PTPRS: variants seen among roughly 807,000 people sequenced by gnomAD.
PTPRS encodes the protein receptor-type tyrosine-protein phosphatase S.
Under a neutral mutation model 215.3 loss-of-function variants are expected in PTPRS, and 63 were observed. That is an observed-to-expected ratio of 0.29 (90% CI 0.24 to 0.36). The LOEUF (loss-of-function observed/expected upper bound fraction) is 0.36. Ranked by LOEUF, PTPRS falls within the 10% of genes least tolerant of loss-of-function variation. PTPRS has a pLI of 1.00. For synonymous variants in PTPRS, 1,404 were observed against 1,191.4 expected (o/e 1.18, Z -3.68); for missense variants, 2,258 against 2,825.8 (o/e 0.80, Z 4.56).
chr19:5,236,476 T>C (rs10412599), intron 13 of PTPRS, among the ~76,000 whole-genome samples: 112 of 152,328 alleles, frequency 7.4e-4, no homozygotes, highest in African/African-American at 2.6e-3. Flanking sequence ...GATTTTAGAA[T>C]CTACGTCCCC....
At chr19:5,304,830 G>A (rs2049424777) in intron 1 of PTPRS, among the ~76,000 whole-genome samples, 1 of 151,980 alleles carries the variant, frequency 6.6e-6, no homozygotes, top group Non-Finnish European at 1.5e-5. Flanking sequence ...AGGTCTGGAG[G>A]CAAGAGAGGT....
Position 5,318,337 on chromosome 19 carries a change from C to CAA in PTPRS, c.-95+22325_-95+22326dup, listed in dbSNP as rs146792031. 4.3e-3 allele frequency among the ~76,000 whole-genome samples: 504 copies of CAA among 117,438 alleles called. 4 individuals carry two copies. Among genetic ancestry groups the CAA allele is most frequent in the African/African-American group, 0.014 (461 of 31,846 alleles). The allele number at this position is 117,438 out of a possible 152,430, so 77.0% of individuals were successfully genotyped here. ...CCTGGGCAACAAGGTGAGACTGTCT[C>CAA]AAAAAAAAAAAAAAGAAGAAGAAGA... On this transcript the variant is annotated intron_variant, in intron 1 of 37. Transcript: ENST00000262963.
At chr19:5,309,768 C>G (rs1159517910) in intron 1 of PTPRS, among the ~76,000 whole-genome samples, 1 of 152,142 alleles carries the variant, frequency 6.6e-6, no homozygotes, top group East Asian at 1.9e-4. Context: ...CAAAATCCTT[C>G]TAGAATACAA....
intron 1 of PTPRS, among the ~76,000 whole-genome samples, chr19:5,311,194 G>T (rs918171418): frequency 2.0e-5 from 3 of 152,040 alleles, no homozygotes; most frequent in Non-Finnish European, 4.4e-5. Context: ...ATTTTTAGTA[G>T]AGATGAGATT....
At position 5,245,862 on chromosome 19, in the gene PTPRS, G is replaced by T. The variant is rs1296092783; in HGVS notation, c.902C>A (p.Thr301Lys). The change falls in exon 10 of 38, where the codon ACA becomes AAA. Residue 301 changes from threonine to lysine, a missense_variant. Around this residue, in one of 6 missense-constraint regions of PTPRS, gnomAD observed 508 missense variants for 799.4 expected, o/e 0.64. Transcript: ENST00000262963. ...GTAGTTGGCCGAGTCCTTGACATCT[G>T]TGAGTTCCAGCACGTTCCGACCCAC... is the stretch of plus-strand genomic sequence containing the variant. The part of the protein sequence containing the change: ...MPVGRNVLEL[T>K]DVKDSANYTC... The T allele has an allele frequency of 1.2e-6, 2 of 1,613,838 alleles. No individual in the cohort carries two copies. Among genetic ancestry groups the T allele is most frequent in the East Asian group, 4.5e-5 (2 of 44,882 alleles).
Position 5,222,822 on chromosome 19 carries a change from G to A in PTPRS, c.2970C>T (p.Gly990=), listed in dbSNP as rs763913179. Residue 990 remains glycine, a synonymous_variant, in exon 18 of 38, where the codon GGC becomes GGT. Transcript: ENST00000262963. ...ETELPAAAEP[G]AENALTLQGL... ...CCTGCAGCGTGAGCGCGTTCTCCGC[G>A]CCCGGCTCAGCCGCTGCCGGCAGCT... 4.6e-5 allele frequency: 74 copies of A among 1,595,290 alleles called. No individual in the cohort carries two copies. The highest frequency in any genetic ancestry group is 5.9e-5 in the Non-Finnish European group (70 of 1,177,172).
chr19:5,220,463 T>G, intron 20 of PTPRS, 110 bp from the exon 21 acceptor site: 1 of 920,566 alleles, frequency 1.1e-6, no homozygotes, highest in Admixed American at 2.0e-5. Context: ...CTTCTGTTCA[T>G]ACAATGAGCC....
chr19:5,299,914 T>C (rs2049251846), intron 1 of PTPRS, among the ~76,000 whole-genome samples: 2 of 151,722 alleles, frequency 1.3e-5, no homozygotes, highest in Admixed American at 1.3e-4. Flanking sequence ...AAAGGACCAC[T>C]AGCCACATGT....
chr19:5,288,227 G>T (rs1293473492), intron 1 of PTPRS, among the ~76,000 whole-genome samples: 1 of 152,166 alleles, frequency 6.6e-6, no homozygotes, highest in African/African-American at 2.4e-5. Context: ...CGCAGACACA[G>T]GTGCCGGCAC....
At chr19:5,254,448 A>G (rs2045398445) in intron 9 of PTPRS, among the ~76,000 whole-genome samples, 1 of 151,654 alleles carries the variant, frequency 6.6e-6, no homozygotes, top group Admixed American at 6.6e-5. Context: ...GGGTTGGAGT[A>G]AGACTCTCAA....
Position 5,262,461 on chromosome 19 carries a change from A to C in PTPRS, c.577+503T>G, listed in dbSNP as rs76861648. Among the ~76,000 whole-genome samples the C allele has an allele frequency of 2.2e-3, 330 of 152,318 alleles. 2 individuals are homozygous for C. The highest frequency in any genetic ancestry group is 0.012 in the East Asian group (64 of 5,180). ...AATTAGTCCCACAACTGATTTCAGG[A>C]GATTCAGGCTGAATGCTGAGAAAAG... On this transcript the variant is annotated intron_variant, in intron 6 of 37. Transcript: ENST00000262963.
intron 30 of PTPRS, 121 bp downstream of exon 30, chr19:5,214,240 G>A: frequency 1.4e-6 from 2 of 1,392,334 alleles, no homozygotes; most frequent in South Asian, 1.3e-5. Flanking sequence ...GTCAGCCTGG[G>A]TAGACACGCT....
At chr19:5,222,657 C>A in intron 18 of PTPRS, 32 bp downstream of exon 18, 1 of 1,503,824 alleles carries the variant, frequency 6.6e-7, no homozygotes. Flanking sequence ...AGGCCCGGTC[C>A]GGCTCTGGTG....
intron 1 of PTPRS, among the ~76,000 whole-genome samples, chr19:5,316,908 G>A (rs1469406957): frequency 3.3e-5 from 5 of 152,206 alleles, no homozygotes; most frequent in Non-Finnish European, 5.9e-5. Context: ...CAGGCACCGG[G>A]GACCTGGCTT....
chr19:5,229,821 C>T (rs1047296722), intron 14 of PTPRS, 137 bp from the exon 15 acceptor site: 1 of 520,236 alleles, frequency 1.9e-6, no homozygotes, highest in Non-Finnish European at 2.9e-6. Context: ...TAGCGCTCAC[C>T]ACCGGGCGGG....
rs1415481564 is a variant in PTPRS, at chr19:5,212,410, G to A, written c.4696C>T (p.Pro1566Ser). The A allele has an allele frequency of 7.5e-6, 12 of 1,605,702 alleles. No individual in the cohort carries two copies. Among genetic ancestry groups the A allele is most frequent in the Non-Finnish European group, 1.0e-5 (12 of 1,176,154 alleles). The change falls in exon 31 of 38, where the codon CCC (proline) becomes TCC (serine). Residue 1566 changes from proline to serine, a missense_variant. Physicochemically the swap from Pro to Ser is moderately conservative, Grantham distance 74. This residue lies in a region of PTPRS where 927 missense variants were observed against 1,125.9 expected (regional missense o/e 0.82). Transcript: ENST00000262963. ...PDHGVPEYPT[P>S]FLAFLRRVKT... ...ACTCTCCGCAGGAAAGCCAGGAAGG[G>A]CGTTGGGTATTCGGGCACGCCATGG...
intron 1 of PTPRS, among the ~76,000 whole-genome samples, chr19:5,301,433 A>G (rs1156537713): frequency 6.6e-6 from 1 of 150,676 alleles, no homozygotes; most frequent in Non-Finnish European, 1.5e-5. Flanking sequence ...CTCCTGCCTC[A>G]GCCTCCCGAT....
At position 5,245,905 on chromosome 19, in the gene PTPRS, G is replaced by C. The variant is rs1272793773; in HGVS notation, c.859C>G (p.Pro287Ala). The C allele has an allele frequency of 1.2e-6, 2 of 1,614,020 alleles. No individual in the cohort carries two copies. The highest frequency in any genetic ancestry group is 1.1e-5 in the South Asian group (1 of 91,046). ...KWMQGAEDLT[P>A]EDDMPVGRNV... ...CGACCCACGGGCATGTCATCCTCGG[G>C]GGTCAGGTCCTCGGCCCCCTGCATC... Residue 287 changes from proline (P) to alanine (A), a missense_variant, in exon 10 of 38, where the codon CCC becomes GCC. Transcript: ENST00000262963.
rs2050619199 is a variant in PTPRS at position 5,339,588 on chromosome 19, T to C, written c.-95+1076A>G. Among the ~76,000 whole-genome samples the C allele has an allele frequency of 6.6e-6, 1 of 152,018 alleles. No individual in the cohort carries two copies. The highest frequency in any genetic ancestry group is 2.4e-5 in the African/African-American group (1 of 41,420). ...AGGGGGAGGTCCGAAGGGGAGGATC[T>C]TAATTTTAGGAGAGATTCCCATAAA... On this transcript the variant is annotated intron_variant, in intron 1 of 37. Coordinates refer to ENST00000262963, the MANE Select transcript of PTPRS (RefSeq NM_002850.4). This position sits in a 1 kb window ranked among gnomAD's most constrained non-coding sequence, Gnocchi z 4.2.
Sources: gnomAD v4.1 joint callset for allele counts (sites outside exome capture counted in the v4.1 genomes callset) on GRCh38, gnomAD v4.1.1 for gene constraint, gnomAD v4.1.1 regional missense constraint, Gnocchi (gnomAD v3.1) non-coding constraint, MANE v1.5 for transcripts, NCBI Gene and HGNC (gene_info 2026-07-23, HGNC 2026-07-21) for gene names.